PTH2R: variants seen among roughly 807,000 people sequenced by gnomAD.
PTH2R encodes parathyroid hormone 2 receptor.
In PTH2R, 59 loss-of-function variants were observed where a neutral mutation model predicts 60.3. That is an observed-to-expected ratio of 0.98 (90% CI 0.79 to 1.22). PTH2R has a LOEUF of 1.22. PTH2R is among the 50% of genes most tolerant of loss of function. The pLI is 0.00. For synonymous variants in PTH2R, 256 were observed against 243.8 expected, an observed-to-expected ratio of 1.05 and a Z score of -0.47; for missense variants, 749 against 682.6, an observed-to-expected ratio of 1.10 and a Z score of -1.08.
intron 1 of PTH2R, among the ~76,000 whole-genome samples, chr2:208,408,740 A>AGAGAAAGAGAGAGAGAG (rs1553542827): frequency 3.2e-5 from 4 of 123,312 alleles, no homozygotes; most frequent in Non-Finnish European, 4.7e-5. Context: ...GAGAGAGAGA[A>AGAGAAAGAGAGAGAGAG]AGAGAGAGAG....
Position 208,439,619 on chromosome 2 carries a change from C to G in PTH2R, c.411+1738C>G, listed in dbSNP as rs185318925. Among the ~76,000 whole-genome samples the G allele has an allele frequency of 3.3e-3, 503 of 151,650 alleles. 3 individuals carry two copies. Among genetic ancestry groups the G allele is most frequent in the African/African-American group, 0.012 (486 of 41,388 alleles). On this transcript the variant is annotated intron_variant, in intron 4 of 12. Transcript: ENST00000272847. ...AGATATTTTTGAGCACTATTTTTTTCTCTAAATTTTTATATAATTGGCTTG... is the reference window on the plus strand; with the variant it reads ...AGATATTTTTGAGCACTATTTTTTTGTCTAAATTTTTATATAATTGGCTTG...
intron 1 of PTH2R, among the ~76,000 whole-genome samples, chr2:208,408,718 A>G (rs935055896): frequency 2.3e-4 from 9 of 39,654 alleles, no homozygotes; most frequent in Admixed American, 2.3e-3. Flanking sequence ...AAGAGAAGAA[A>G]GGAAAGAGAG....
At chr2:208,431,065 T>C (rs1701961969) in intron 2 of PTH2R, among the ~76,000 whole-genome samples, 1 of 152,178 alleles carries the variant, frequency 6.6e-6, no homozygotes, top group Non-Finnish European at 1.5e-5. Flanking sequence ...AAGACAAATA[T>C]GGGACCTACT....
chr2:208,490,271 T>C (rs1346586742), intron 11 of PTH2R, among the ~76,000 whole-genome samples: 1 of 152,152 alleles, frequency 6.6e-6, no homozygotes, highest in Non-Finnish European at 1.5e-5. Context: ...ATTCTTACCA[T>C]ACAATACTTT....
chr2:208,420,737 T>C (rs746242959), intron 1 of PTH2R, among the ~76,000 whole-genome samples: 6 of 152,234 alleles, frequency 3.9e-5, no homozygotes, highest in African/African-American at 7.2e-5. Flanking sequence ...TGTAGTACAA[T>C]ATTACAATCA....
At chr2:208,483,003 T>A (rs1703192432) in intron 10 of PTH2R, among the ~76,000 whole-genome samples, 1 of 152,238 alleles carries the variant, frequency 6.6e-6, no homozygotes, top group African/African-American at 2.4e-5. Flanking sequence ...TGTCTTTACA[T>A]AATCCTGCAT....
intron 1 of PTH2R, among the ~76,000 whole-genome samples, chr2:208,391,895 T>C (rs1007922599): frequency 6.6e-6 from 1 of 152,180 alleles, no homozygotes; most frequent in Admixed American, 6.5e-5. Context: ...CTGAGAAGCT[T>C]CCTCAGTTGG....
chr2:208,488,139 A>G (rs925662643), intron 10 of PTH2R, among the ~76,000 whole-genome samples: 1 of 152,194 alleles, frequency 6.6e-6, no homozygotes, highest in Non-Finnish European at 1.5e-5. Flanking sequence ...AGAGGCAGTT[A>G]AGGAGAATGA....
intron 6 of PTH2R, 94 bp downstream of exon 6, chr2:208,443,631 T>G: frequency 9.2e-7 from 1 of 1,085,874 alleles, no homozygotes; most frequent in Non-Finnish European, 1.3e-6. Context: ...AACTTGCTTT[T>G]ACTTATCTCT....
intron 8 of PTH2R, among the ~76,000 whole-genome samples, chr2:208,453,267 T>A (rs969129819): frequency 1.3e-5 from 2 of 152,240 alleles, no homozygotes; most frequent in Non-Finnish European, 2.9e-5. Context: ...TTGTATTGCA[T>A]GTATACATGC....
intron 1 of PTH2R, among the ~76,000 whole-genome samples, chr2:208,372,703 T>C (rs1276893047): frequency 6.6e-6 from 1 of 152,084 alleles, no homozygotes. Flanking sequence ...TTGTCCATTA[T>C]AGGTACATAA....
At chr2:208,369,479 C>T (rs1227120317) in intron 1 of PTH2R, among the ~76,000 whole-genome samples, 1 of 151,670 alleles carries the variant, frequency 6.6e-6, no homozygotes, top group African/African-American at 2.4e-5. Context: ...GATTCTCCTG[C>T]CTCAGTCTCC....
rs752369054 is a variant in PTH2R at position 208,489,029 on chromosome 2, C to T, written c.1094C>T (p.Thr365Ile). The T allele has an allele frequency of 1.2e-6, 2 of 1,614,058 alleles. No individual in the cohort carries two copies. Among genetic ancestry groups the T allele is most frequent in the Non-Finnish European group, 1.7e-6 (2 of 1,180,006 alleles). Residue 365 changes from threonine (T) to isoleucine (I), a missense_variant, in exon 11 of 13, where the codon ACA becomes ATA. Thr to Ile is a moderately conservative substitution (Grantham distance 89). Coordinates refer to ENST00000272847, the MANE Select transcript of PTH2R (RefSeq NM_005048.4). ...TCCTTTAGGAAACTGGCCAAATCGACACTGGTCCTGGTCCTAGTCTTTGGA... is the reference window on the plus strand; with the variant it reads ...TCCTTTAGGAAACTGGCCAAATCGATACTGGTCCTGGTCCTAGTCTTTGGA... ...RKQYRKLAKS[T>I]LVLVLVFGVH...
rs567348634 is a variant in PTH2R at position 208,424,494 on chromosome 2, C to T, written c.76-3707C>T. 3.3e-5 allele frequency among the ~76,000 whole-genome samples: 5 copies of T among 152,328 alleles called. No individual in the cohort carries two copies. In the South Asian group the frequency reaches 6.2e-4, roughly 19 times the overall value. The stretch of plus-strand genomic sequence containing the variant: ...CCTGCCTTCATGGGTCTGCCCTGCT[C>T]CACTTGCCAAGGCTTGACATAAGTT... On this transcript the variant is annotated intron_variant, in intron 1 of 12. Coordinates refer to ENST00000272847, the MANE Select transcript of PTH2R (RefSeq NM_005048.4).
rs912314139 is a variant in PTH2R, at chr2:208,429,098, A to G, written c.178+795A>G. The stretch of plus-strand genomic sequence containing the variant: ...ACTCTCTGTCTCAAAAAAAAAAAAA[A>G]AAAAGTGTTGAGACTTAATGTCTTA... On this transcript the variant is annotated intron_variant, in intron 2 of 12. Transcript: ENST00000272847. Among the ~76,000 whole-genome samples the G allele has an allele frequency of 1.8e-4, 27 of 152,154 alleles. No individual in the cohort carries two copies. In the East Asian group the frequency reaches 4.8e-3, roughly 27 times the overall value.
At chr2:208,413,685 C>CATTT (rs933932411) in intron 1 of PTH2R, among the ~76,000 whole-genome samples, 1 of 151,998 alleles carries the variant, frequency 6.6e-6, no homozygotes, top group Admixed American at 6.6e-5. Context: ...TGCTGAAAAC[C>CATTT]ATTTATTTAT....
Position 208,378,985 on chromosome 2 carries a change from TACACAGTGTTAACTGAAG to T in PTH2R, c.-259+18774_-259+18791del, listed in dbSNP as rs369452047. ...ATCAGCACAGTGCATGGTACTTCAG[TACACAGTGTTAACTGAAG>T]ACACAGTGTTAACTGAAGACACAGT... On this transcript the variant is annotated intron_variant, in intron 1 of 12. Transcript: ENST00000617735. 3.9e-3 allele frequency among the ~76,000 whole-genome samples: 592 copies of T among 152,246 alleles called. 7 individuals carry two copies. Among genetic ancestry groups the T allele is most frequent in the African/African-American group, 0.013 (560 of 41,486 alleles).
In PTH2R at chr2:208,460,230, G is replaced by T. The variant is rs144835371; in HGVS notation, c.981+269G>T. ...CTATGAGCATTTATATGTTTAGGGA[G>T]TTGGAAGGCCCTATGTCTCCTTTTC... On this transcript the variant is annotated intron_variant, in intron 9 of 12. Transcript: ENST00000272847. Among the ~76,000 whole-genome samples, 583 of 152,234 alleles carry T rather than the reference G, an allele frequency of 3.8e-3. 2 individuals are homozygous for T. The highest frequency in any genetic ancestry group is 0.012 in the African/African-American group (495 of 41,554).
chr2:208,481,873 T>C (rs1703160704), intron 10 of PTH2R, among the ~76,000 whole-genome samples: 1 of 152,220 alleles, frequency 6.6e-6, no homozygotes, highest in Admixed American at 6.5e-5. Flanking sequence ...TGCAAATATA[T>C]TGACTGAGAG....
Sources: gnomAD v4.1 joint callset for allele counts (sites outside exome capture counted in the v4.1 genomes callset) on GRCh38, gnomAD v4.1.1 for gene constraint, MANE v1.5 for transcripts, NCBI Gene and HGNC (gene_info 2026-07-23, HGNC 2026-07-21) for gene names.